TBC1D5: variants seen among roughly 807,000 people sequenced by gnomAD.
TBC1D5 encodes TBC1 domain family member 5.
A neutral mutation model predicts 100.3 loss-of-function variants in TBC1D5; 75 were observed. That is an observed-to-expected ratio of 0.75 (90% CI 0.62 to 0.91). The LOEUF (loss-of-function observed/expected upper bound fraction) is 0.91, where lower values mean the gene tolerates loss of function less well. Ranked by LOEUF, TBC1D5 falls within the 40% of genes least tolerant of loss-of-function variation. The pLI is 0.00. For missense variants in TBC1D5, 910 were observed against 942.4 expected, an observed-to-expected ratio of 0.97 and a Z score of 0.45; for synonymous variants, 323 against 325.6, an observed-to-expected ratio of 0.99 and a Z score of 0.09.
chr3:17,622,614 T>A (rs944321255), intron 2 of TBC1D5: 2 of 151,788 alleles, frequency 1.3e-5, no homozygotes, highest in Non-Finnish European at 2.9e-5. Flanking sequence ...GTCTAGTAAA[T>A]TTGGGAAATA....
At chr3:17,203,292 A>C (rs763843772) in intron 18 of TBC1D5, among the ~76,000 whole-genome samples, 8 of 152,206 alleles carry the variant, frequency 5.3e-5, no homozygotes, top group Non-Finnish European at 1.2e-4. Flanking sequence ...TCTCCCTTTC[A>C]GAATGGGCAT....
At chr3:17,300,721 G>A (rs935941366) in intron 14 of TBC1D5, among the ~76,000 whole-genome samples, 12 of 152,180 alleles carry the variant, frequency 7.9e-5, no homozygotes. Flanking sequence ...CATTTATGGT[G>A]TTCAAAGAGA....
At position 17,412,530 on chromosome 3, in the gene TBC1D5, T is replaced by C. The variant is rs528056194; in HGVS notation, c.168-6004A>G. Among the ~76,000 whole-genome samples, 188 of 152,164 alleles carry C rather than the reference T, an allele frequency of 1.2e-3. 1 individual carries two copies. Among genetic ancestry groups the C allele is most frequent in the African/African-American group, 4.4e-3 (183 of 41,520 alleles). On this transcript the variant is annotated intron_variant, in intron 4 of 21. Transcript: ENST00000253692. ...AGTTGGAGGAAGACATGATTAACAATAGAAAATATTGAGGTGTCAGTGGTG... is the reference window on the plus strand; with the variant it reads ...AGTTGGAGGAAGACATGATTAACAACAGAAAATATTGAGGTGTCAGTGGTG...
intron 3 of TBC1D5, among the ~76,000 whole-genome samples, chr3:17,493,084 C>G (rs1473614955): frequency 6.7e-6 from 1 of 148,982 alleles, no homozygotes; most frequent in African/African-American, 2.5e-5. Context: ...TTTTTCCTTT[C>G]CATATTTAGT....
At chr3:17,550,668 T>A (rs1237526349) in intron 2 of TBC1D5, among the ~76,000 whole-genome samples, 1 of 152,096 alleles carries the variant, frequency 6.6e-6, no homozygotes, top group East Asian at 1.9e-4. Flanking sequence ...TAAAACAAAA[T>A]GTCATAAAAT....
At chr3:17,353,329 C>G (rs978903772) in intron 13 of TBC1D5, among the ~76,000 whole-genome samples, 1 of 152,034 alleles carries the variant, frequency 6.6e-6, no homozygotes, top group African/African-American at 2.4e-5. Context: ...AAACCTATTT[C>G]TACAGCAAGA....
At chr3:17,347,061 C>T (rs959759877) in intron 13 of TBC1D5, among the ~76,000 whole-genome samples, 1 of 152,098 alleles carries the variant, frequency 6.6e-6, no homozygotes, top group African/African-American at 2.4e-5. Context: ...AAATTATATA[C>T]TTTTACATGT....
chr3:17,171,137 G>A (rs1344148796), intron 19 of TBC1D5, among the ~76,000 whole-genome samples: 1 of 152,154 alleles, frequency 6.6e-6, no homozygotes, highest in African/African-American at 2.4e-5. Flanking sequence ...AGTGGAAGTG[G>A]TGGTGCTTGC....
At chr3:17,251,433 C>CG (rs896649424) in intron 16 of TBC1D5, among the ~76,000 whole-genome samples, 3 of 144,524 alleles carry the variant, frequency 2.1e-5, no homozygotes, top group Non-Finnish European at 4.6e-5. Flanking sequence ...GAACCCCCCC[C>CG]CCCCCAGTAG....
intron 1 of TBC1D5, among the ~76,000 whole-genome samples, chr3:17,651,776 C>G (rs2065596649): frequency 6.6e-6 from 1 of 152,044 alleles, no homozygotes; most frequent in African/African-American, 2.4e-5. Flanking sequence ...ATGTCAATAT[C>G]ATATATCCAT....
At chr3:17,292,689 T>C (rs2081889988) in intron 14 of TBC1D5, among the ~76,000 whole-genome samples, 1 of 152,164 alleles carries the variant, frequency 6.6e-6, no homozygotes, top group Non-Finnish European at 1.5e-5. Context: ...GGCAGGTCTA[T>C]GTAGACTACT....
intron 3 of TBC1D5, among the ~76,000 whole-genome samples, chr3:17,476,611 C>A (rs902070765): frequency 6.6e-6 from 1 of 151,842 alleles, no homozygotes; most frequent in African/African-American, 2.4e-5. Flanking sequence ...AATGACCTGC[C>A]AAGTTACTAA....
chr3:17,217,187 T>C (rs962885088), intron 17 of TBC1D5, among the ~76,000 whole-genome samples: 2 of 152,148 alleles, frequency 1.3e-5, no homozygotes, highest in African/African-American at 2.4e-5. Flanking sequence ...AGTTCATCTA[T>C]GTTATAGCAT....
intron 15 of TBC1D5, among the ~76,000 whole-genome samples, chr3:17,283,395 T>C (rs1427023154): frequency 6.6e-6 from 1 of 152,160 alleles, no homozygotes; most frequent in Non-Finnish European, 1.5e-5. Flanking sequence ...GAAAACTGAA[T>C]GGTCTGGTTC....
At chr3:17,441,742 G>A (rs555634482) in intron 3 of TBC1D5, among the ~76,000 whole-genome samples, 7 of 152,168 alleles carry the variant, frequency 4.6e-5, no homozygotes, top group African/African-American at 1.7e-4. Context: ...CATTTCAATG[G>A]TGGTAAAAGT....
chr3:17,591,256 A>C (rs920184915), intron 2 of TBC1D5, among the ~76,000 whole-genome samples: 19 of 121,162 alleles, frequency 1.6e-4, no homozygotes, highest in African/African-American at 5.2e-4. Flanking sequence ...AAAAAAAAAA[A>C]AAAAAAAAAA....
chr3:17,220,748 C>T (rs868602286), intron 17 of TBC1D5, among the ~76,000 whole-genome samples: 12 of 151,854 alleles, frequency 7.9e-5, no homozygotes, highest in African/African-American at 2.9e-4. Context: ...CTTTTATTGC[C>T]TTGGAGGTGG....
chr3:17,397,149 G>T (rs1050132962), intron 8 of TBC1D5, among the ~76,000 whole-genome samples: 1 of 151,948 alleles, frequency 6.6e-6, no homozygotes, highest in Admixed American at 6.6e-5. Context: ...AGAATTTAAA[G>T]AATTTTTTTT....
intron 1 of TBC1D5, among the ~76,000 whole-genome samples, chr3:17,634,617 C>G (rs1296657200): frequency 1.5e-5 from 2 of 132,102 alleles, no homozygotes; most frequent in African/African-American, 5.6e-5. Context: ...GTGGGGATGG[C>G]TAATAGGGTA....
Sources: allele counts gnomAD v4.1 joint callset (sites outside exome capture counted in the v4.1 genomes callset), GRCh38; gene constraint gnomAD v4.1.1; transcripts MANE v1.5; gene names NCBI Gene and HGNC (gene_info 2026-07-23, HGNC 2026-07-21).